The following NMT2 variants were observed in gnomAD, a reference collection of about 807,000 sequenced individuals.
The protein encoded by NMT2 is glycylpeptide N-tetradecanoyltransferase 2.
Under a neutral mutation model 65.4 loss-of-function variants are expected in NMT2, and 35 were observed. The observed-to-expected ratio is 0.54, with a 90% CI of 0.41 to 0.71. The LOEUF is 0.71. Among genes scored for constraint, NMT2 ranks in the 30% least tolerant of loss-of-function variants. The pLI is 0.00. For synonymous variants in NMT2, 226 were observed against 231.8 expected (o/e 0.98, Z 0.23); for missense variants, 489 against 611.3 (o/e 0.80, Z 2.11).
In NMT2 at chr10:15,107,266, G is replaced by A. The variant is rs1845336928; in HGVS notation, c.*1929C>T. On this transcript the variant is annotated 3_prime_UTR_variant, in exon 12 of 12. Coordinates refer to ENST00000378165, the MANE Select transcript of NMT2 (RefSeq NM_004808.3). ...CAGAAAATAAAAACATTCTTAGCCT[G>A]TGGGCTACACAAAAATAAGCAATGG... 1 of 841,100 alleles carries A rather than the reference G, an allele frequency of 1.2e-6. No individual in the cohort carries two copies. The highest frequency in any genetic ancestry group is 1.4e-6 in the Non-Finnish European group (1 of 698,400). The allele number at this position is 841,100 out of a possible 1,614,324, so 52.1% of individuals were successfully genotyped here. A position where few individuals can be genotyped will look rare whatever the true frequency, so the allele number is the denominator to read the frequency against.
chr10:15,163,812 T>C (rs1833281984), intron 1 of NMT2, among the ~76,000 whole-genome samples: 1 of 152,208 alleles, frequency 6.6e-6, no homozygotes, highest in African/African-American at 2.4e-5. Flanking sequence ...ATTATGTTCT[T>C]TGTTAAAAGA....
intron 2 of NMT2, among the ~76,000 whole-genome samples, chr10:15,139,599 G>A (rs1032114848): frequency 6.6e-6 from 1 of 151,908 alleles, no homozygotes; most frequent in Non-Finnish European, 1.5e-5. Context: ...AGTTACCTTG[G>A]AAAGCTGTAT....
intron 9 of NMT2, among the ~76,000 whole-genome samples, chr10:15,115,662 G>T (rs1446377053): frequency 6.6e-6 from 1 of 152,136 alleles, no homozygotes; most frequent in Non-Finnish European, 1.5e-5. Flanking sequence ...TCAGTAGTGT[G>T]GGTAAAGAAA....
At position 15,108,142 on chromosome 10, in the gene NMT2, T is replaced by G. The variant is rs1189515908; in HGVS notation, c.*1053A>C. On this transcript the variant is annotated 3_prime_UTR_variant, in exon 12 of 12. Transcript: ENST00000378165. The stretch of plus-strand genomic sequence containing the variant: ...ATGTTGCTGAGAAGAAACTGAACTT[T>G]GCACAACAGCAGAAAAGTCTAGTTA... 1.0e-6 allele frequency: 1 copy of G among 985,232 alleles called. No individual in the cohort carries two copies. Among genetic ancestry groups the G allele is most frequent in the Non-Finnish European group, 1.2e-6 (1 of 829,920 alleles). The allele number at this position is 985,232 out of a possible 1,614,324, so 61.0% of individuals were successfully genotyped here. A position where few individuals can be genotyped will look rare whatever the true frequency, so the allele number is the denominator to read the frequency against.
intron 10 of NMT2, 121 bp from the exon 11 acceptor site, chr10:15,109,960 C>A: frequency 1.3e-6 from 1 of 780,628 alleles, no homozygotes; most frequent in East Asian, 2.8e-5. Context: ...ATTTAACGTC[C>A]GTGATATATA....
At chr10:15,129,891 G>C (rs998394311) in intron 7 of NMT2, among the ~76,000 whole-genome samples, 7 of 124,736 alleles carry the variant, frequency 5.6e-5, no homozygotes, top group African/African-American at 2.2e-4. Context: ...CTGGGCAACA[G>C]AGTAAGAGTC....
chr10:15,114,876 G>A (rs1342300609), intron 9 of NMT2, among the ~76,000 whole-genome samples: 2 of 152,016 alleles, frequency 1.3e-5, no homozygotes, highest in East Asian at 1.9e-4. Flanking sequence ...GGTGGCATGC[G>A]CCTGTAGTTC....
intron 6 of NMT2, among the ~76,000 whole-genome samples, chr10:15,131,845 T>C (rs994480661): frequency 6.6e-6 from 1 of 152,192 alleles, no homozygotes; most frequent in African/African-American, 2.4e-5. Flanking sequence ...GAGAAAGCTT[T>C]ATCTCTCCTA....
At chr10:15,123,707 C>T (rs1845997895) in intron 8 of NMT2, among the ~76,000 whole-genome samples, 1 of 152,080 alleles carries the variant, frequency 6.6e-6, no homozygotes, top group Admixed American at 6.6e-5. Context: ...CAATAAAATG[C>T]AGAGAATCAT....
rs1368162642 is a variant in NMT2 at position 15,157,401 on chromosome 10, TG to T, written c.110+11101del. ...CTGCAGCAATGGGGTACAAGAGGGCTGAAGTGGGTACCTCCCGGCAGCGCTT... is the reference window on the plus strand; with the variant it reads ...CTGCAGCAATGGGGTACAAGAGGGCTAAGTGGGTACCTCCCGGCAGCGCTT... On this transcript the variant is annotated intron_variant, in intron 1 of 11. Coordinates refer to ENST00000378165, the MANE Select transcript of NMT2 (RefSeq NM_004808.3). 2.0e-5 allele frequency among the ~76,000 whole-genome samples: 3 copies of T among 152,132 alleles called. No homozygotes were observed. In the East Asian group the frequency reaches 5.8e-4, roughly 29 times the overall value.
chr10:15,162,728 C>A lies in NMT2; in HGVS notation c.110+5775G>T, dbSNP rs1427583551. On this transcript the variant is annotated intron_variant, in intron 1 of 11. Coordinates refer to ENST00000378165, the MANE Select transcript of NMT2 (RefSeq NM_004808.3). ...AGGTGACCAGGGGCTTTCACTCTACCTTATATACCTTATTGTTTGATATAT... is the reference window on the plus strand; with the variant it reads ...AGGTGACCAGGGGCTTTCACTCTACATTATATACCTTATTGTTTGATATAT... Among the ~76,000 whole-genome samples, 3 of 149,404 alleles carry A rather than the reference C, an allele frequency of 2.0e-5. No homozygotes were observed. The Admixed American group carries it at 2.0e-4, about 10-fold the overall frequency.
At chr10:15,162,251 CAAAA>C (rs35457996) in intron 1 of NMT2, among the ~76,000 whole-genome samples, 3 of 68,144 alleles carry the variant, frequency 4.4e-5, no homozygotes, top group African/African-American at 1.2e-4. Context: ...GACCTTGTCT[CAAAA>C]AAAAAAAAAA....
At chr10:15,164,577 A>G (rs369125369) in intron 1 of NMT2, among the ~76,000 whole-genome samples, 1 of 152,370 alleles carries the variant, frequency 6.6e-6, no homozygotes, top group South Asian at 2.1e-4. Flanking sequence ...AAGGACAGCG[A>G]GAAGACAGTG....
chr10:15,129,173 GAAAA>G (rs1188922092), intron 7 of NMT2, among the ~76,000 whole-genome samples: 1 of 152,124 alleles, frequency 6.6e-6, no homozygotes, highest in Non-Finnish European at 1.5e-5. Context: ...ACAACTTTTT[GAAAA>G]CTAGCTTAAA....
intron 2 of NMT2, among the ~76,000 whole-genome samples, chr10:15,136,819 C>G (rs551172034): frequency 1.4e-5 from 2 of 140,194 alleles, no homozygotes; most frequent in East Asian, 3.9e-4. Context: ...CTTGGAGATT[C>G]CCCAGTTCTT....
At chr10:15,141,150 C>A (rs1410151824) in intron 2 of NMT2, 7 of 933,732 alleles carry the variant, frequency 7.5e-6, no homozygotes, top group Non-Finnish European at 1.2e-5. Context: ...CTGAGACTTT[C>A]TTCTAGAACG....
chr10:15,135,775 T>TGG lies in NMT2; in HGVS notation c.247-359_247-358dup, dbSNP rs201720742. On this transcript the variant is annotated intron_variant, in intron 2 of 11. Coordinates refer to ENST00000378165, the MANE Select transcript of NMT2 (RefSeq NM_004808.3). ...CCAACAGCCAGGCAGCCACGAGCCT[T>TGG]GGGTGGGGGGCACTGTCAGAGTAAA... is the stretch of plus-strand genomic sequence containing the variant. 2.7e-3 allele frequency among the ~76,000 whole-genome samples: 402 copies of TGG among 150,976 alleles called. 5 individuals are homozygous for TGG. Among genetic ancestry groups the TGG allele is most frequent in the South Asian group, 4.8e-3 (23 of 4,792 alleles).
Position 15,135,373 on chromosome 10 carries a change from T to A in NMT2, c.292A>T (p.Met98Leu). Residue 98 changes from methionine to leucine, a missense_variant, in exon 3 of 12, where the codon ATG (methionine) becomes TTG (leucine). By Grantham distance (15) the Met-to-Leu change is conservative (BLOSUM62 2). Coordinates refer to ENST00000378165, the MANE Select transcript of NMT2 (RefSeq NM_004808.3). ...MQKLQDIQRA[M>L]ELLSACQGPA... ...CCCTGGCATGCGGATAGCAGCTCCA[T>A]TGCTCTCTGGATATCCTGCAACTTC... 2 of 1,614,170 alleles carry A rather than the reference T, an allele frequency of 1.2e-6. No individual in the cohort carries two copies. Among genetic ancestry groups the A allele is most frequent in the Non-Finnish European group, 1.7e-6 (2 of 1,180,012 alleles).
chr10:15,151,887 GT>G (rs1162058145), intron 1 of NMT2, among the ~76,000 whole-genome samples: 3 of 152,182 alleles, frequency 2.0e-5, no homozygotes, highest in Non-Finnish European at 4.4e-5. Flanking sequence ...CTAGCTGGGT[GT>G]GGTGGCACGC....
Sources: gnomAD v4.1 joint callset for allele counts (sites outside exome capture counted in the v4.1 genomes callset) on GRCh38, gnomAD v4.1.1 for gene constraint, MANE v1.5 for transcripts, NCBI Gene and HGNC (gene_info 2026-07-23, HGNC 2026-07-21) for gene names.